SLC2A9: variants seen among roughly 807,000 people sequenced by gnomAD.
SLC2A9 encodes solute carrier family 2 member 9, also known as solute carrier family 2, facilitated glucose transporter member 9.
Under a neutral mutation model 50.6 loss-of-function variants are expected in SLC2A9, and 39 were observed. That is an observed-to-expected ratio of 0.77 (90% CI 0.60 to 1.01). The LOEUF is 1.01. SLC2A9 is among the 50% of genes least tolerant of loss of function. SLC2A9 has a pLI of 0.00. For missense variants in SLC2A9, 686 were observed against 677.6 expected (o/e 1.01, Z -0.14); for synonymous variants, 324 against 276.9 (o/e 1.17, Z -1.69).
intron 3 of SLC2A9, among the ~76,000 whole-genome samples, chr4:9,991,334 C>A (rs1339899460): frequency 6.6e-6 from 1 of 152,208 alleles, no homozygotes; most frequent in Non-Finnish European, 1.5e-5. Flanking sequence ...AAGAGGTTGT[C>A]AGCAGCACGG....
chr4:9,940,159 G>A (rs141851752), intron 6 of SLC2A9, among the ~76,000 whole-genome samples: 1 of 152,290 alleles, frequency 6.6e-6, no homozygotes, highest in Admixed American at 6.5e-5. Context: ...CAGAGCTGGA[G>A]GCCTCACCCT....
rs78928619 is a variant in SLC2A9, at chr4:9,991,798, C to G, written c.410+4983G>C. Among the ~76,000 whole-genome samples the G allele has an allele frequency of 4.9e-3, 740 of 152,288 alleles. 8 individuals carry two copies. The highest frequency in any genetic ancestry group is 0.017 in the African/African-American group (695 of 41,562). On this transcript the variant is annotated intron_variant, in intron 3 of 11. Coordinates refer to ENST00000264784, the MANE Select transcript of SLC2A9 (RefSeq NM_020041.3). The stretch of plus-strand genomic sequence containing the variant: ...GCCATCTGCAAGCCATGGAGAGAAG[C>G]CTCGGGAGGAAAAGACCTGCCGACA...
At chr4:9,801,598 T>C (rs1036677290) in intron 3 of SLC2A9, among the ~76,000 whole-genome samples, 14 of 152,172 alleles carry the variant, frequency 9.2e-5, no homozygotes, top group East Asian at 1.9e-4. Flanking sequence ...ACATTAACTC[T>C]CCTGAACTGC....
At chr4:9,944,383 A>G (rs1265783830) in intron 5 of SLC2A9, among the ~76,000 whole-genome samples, 1 of 152,200 alleles carries the variant, frequency 6.6e-6, no homozygotes, top group Admixed American at 6.5e-5. Flanking sequence ...GTCAGTGGGT[A>G]TGTTTCACAT....
intron 6 of SLC2A9, among the ~76,000 whole-genome samples, chr4:9,927,110 A>C (rs1190529062): frequency 6.6e-6 from 1 of 150,722 alleles, no homozygotes; most frequent in Non-Finnish European, 1.5e-5. Flanking sequence ...ACTCACTGCA[A>C]CCTCCGCCTC....
intron 10 of SLC2A9, among the ~76,000 whole-genome samples, chr4:9,871,457 T>C (rs994839084): frequency 2.0e-5 from 3 of 152,200 alleles, no homozygotes; most frequent in Non-Finnish European, 2.9e-5. Flanking sequence ...GCCTCTCTCC[T>C]GGCTTCTGGT....
chr4:9,974,878 A>G (rs1005358270), intron 5 of SLC2A9, among the ~76,000 whole-genome samples: 1 of 152,246 alleles, frequency 6.6e-6, no homozygotes, highest in Non-Finnish European at 1.5e-5. Flanking sequence ...CAGTAACCAA[A>G]ACAGTATGGT....
At chr4:9,904,611 T>G (rs998747224) in intron 8 of SLC2A9, among the ~76,000 whole-genome samples, 10 of 152,172 alleles carry the variant, frequency 6.6e-5, no homozygotes, top group African/African-American at 1.9e-4. Context: ...TGGGGAGCCA[T>G]TGTTTTGCCT....
At chr4:9,879,458 G>A in intron 10 of SLC2A9, 3 of 985,338 alleles carry the variant, frequency 3.0e-6, no homozygotes, top group African/African-American at 1.7e-5. Context: ...GCAGTGCAGG[G>A]AGAATGCGGG....
chr4:9,951,089 C>A (rs1750165678), intron 5 of SLC2A9, among the ~76,000 whole-genome samples: 1 of 152,108 alleles, frequency 6.6e-6, no homozygotes, highest in Admixed American at 6.5e-5. Context: ...TGGAATCAAC[C>A]TAAGTGTCCA....
chr4:9,782,030 A>G, intron 3 of SLC2A9: 1 of 1,458,222 alleles, frequency 6.9e-7, no homozygotes, highest in Admixed American at 2.6e-5. Flanking sequence ...CCAGCCCGAA[A>G]TGCTGCCGCC....
intron 1 of SLC2A9, 42 bp downstream of exon 1, chr4:10,021,238 C>G (rs767983335): frequency 3.1e-6 from 5 of 1,604,586 alleles, no homozygotes; most frequent in Non-Finnish European, 4.3e-6. Context: ...GCCTGCCTTC[C>G]CCACAGCCCG....
rs141718199 is a variant in SLC2A9, at chr4:10,004,113, AT to A, written c.250-7173del. Among the ~76,000 whole-genome samples, 137 of 152,338 alleles carry A rather than the reference AT, an allele frequency of 9.0e-4. 2 individuals carry two copies. In the East Asian group the frequency reaches 0.025, roughly 28 times the overall value. On this transcript the variant is annotated intron_variant, in intron 2 of 11. Coordinates refer to ENST00000264784, the MANE Select transcript of SLC2A9 (RefSeq NM_020041.3). ...AGAAAATATAAAGATGATGATATCA[AT>A]ACCTCTGTTTTAGGGGAGAAGAGGA... is the stretch of plus-strand genomic sequence containing the variant.
At chr4:9,911,650 T>A (rs924773908) in intron 7 of SLC2A9, among the ~76,000 whole-genome samples, 2 of 152,226 alleles carry the variant, frequency 1.3e-5, no homozygotes, top group African/African-American at 4.8e-5. Context: ...CTGTCTCTCA[T>A]GACCTGCGTG....
intron 5 of SLC2A9, among the ~76,000 whole-genome samples, chr4:9,945,003 G>C (rs1170113909): frequency 1.3e-5 from 2 of 152,200 alleles, no homozygotes; most frequent in East Asian, 3.9e-4. Context: ...CATTCCTGCC[G>C]TGGGGCCACA....
At chr4:10,033,015 C>A (rs1051407149) in intron 1 of SLC2A9, among the ~76,000 whole-genome samples, 11 of 152,170 alleles carry the variant, frequency 7.2e-5, no homozygotes, top group African/African-American at 2.4e-4. Context: ...GTTCACTAAA[C>A]CTTAGTCCTC....
chr4:9,793,939 T>A (rs1013731561), intron 3 of SLC2A9, among the ~76,000 whole-genome samples: 2 of 152,178 alleles, frequency 1.3e-5, no homozygotes, highest in Non-Finnish European at 2.9e-5. Context: ...CAACAAGGAA[T>A]GAACATCAGA....
intron 10 of SLC2A9, among the ~76,000 whole-genome samples, chr4:9,883,142 C>CAG (rs10617389): frequency 6.6e-6 from 1 of 151,974 alleles, no homozygotes; most frequent in African/African-American, 2.4e-5. Context: ...TACACACACA[C>CAG]ACACACACAC....
At chr4:9,804,527 T>C (rs1484409987) in intron 3 of SLC2A9, among the ~76,000 whole-genome samples, 1 of 152,212 alleles carries the variant, frequency 6.6e-6, no homozygotes, top group African/African-American at 2.4e-5. Flanking sequence ...CACTGATTTA[T>C]TCCCATTTGC....
Sources: gnomAD v4.1 joint callset for allele counts (sites outside exome capture counted in the v4.1 genomes callset) on GRCh38, gnomAD v4.1.1 for gene constraint, MANE v1.5 for transcripts, NCBI Gene and HGNC (gene_info 2026-07-23, HGNC 2026-07-21) for gene names.